ERBB4: variants seen among roughly 807,000 people sequenced by gnomAD.
ERBB4 encodes receptor tyrosine-protein kinase erbB-4.
A neutral mutation model predicts 158.0 loss-of-function variants in ERBB4; 42 were observed. That is an observed-to-expected ratio of 0.27 (90% CI 0.21 to 0.34). The LOEUF (loss-of-function observed/expected upper bound fraction) is 0.34, where lower values mean the gene tolerates loss of function less well. Ranked by LOEUF, ERBB4 falls within the 10% of genes least tolerant of loss-of-function variation. The probability of loss-of-function intolerance (pLI) is 1.00; values close to 1 mark genes in which losing one functional copy is unlikely to be tolerated. For synonymous variants in ERBB4, 583 were observed against 558.7 expected (o/e 1.04, Z -0.61); for missense variants, 1,333 against 1,624.1 (o/e 0.82, Z 3.08).
intron 3 of ERBB4, among the ~76,000 whole-genome samples, chr2:211,793,464 G>A (rs1025275149): frequency 6.6e-6 from 1 of 151,800 alleles, no homozygotes; most frequent in Non-Finnish European, 1.5e-5. Context: ...GCATATGTCA[G>A]ACTTATACTA....
intron 25 of ERBB4, among the ~76,000 whole-genome samples, chr2:211,403,707 C>T (rs1400003911): frequency 6.6e-6 from 1 of 152,086 alleles, no homozygotes; most frequent in Non-Finnish European, 1.5e-5. Flanking sequence ...TTTCTCTGAC[C>T]ACAATCTCTT....
chr2:211,477,133 A>C (rs1574565979), intron 20 of ERBB4, among the ~76,000 whole-genome samples: 2 of 152,230 alleles, frequency 1.3e-5, no homozygotes, highest in Non-Finnish European at 2.9e-5. Flanking sequence ...CAGTTAAAAC[A>C]TTAATAGAAC....
intron 1 of ERBB4, among the ~76,000 whole-genome samples, chr2:212,445,332 T>C (rs1230076835): frequency 6.6e-6 from 1 of 152,130 alleles, no homozygotes; most frequent in Non-Finnish European, 1.5e-5. Flanking sequence ...ACACTCACCA[T>C]TAACCCCAGT....
chr2:212,066,671 T>C (rs578012902), intron 2 of ERBB4, among the ~76,000 whole-genome samples: 3 of 152,136 alleles, frequency 2.0e-5, no homozygotes, highest in East Asian at 1.9e-4. Flanking sequence ...TCCTTGTCAA[T>C]TGTGTAACTC....
intron 2 of ERBB4, among the ~76,000 whole-genome samples, chr2:211,965,593 T>C (rs2081290673): frequency 2.0e-5 from 3 of 152,104 alleles, no homozygotes; most frequent in African/African-American, 7.2e-5. Context: ...TTTTATGTGC[T>C]AAGGTAATTC....
chr2:212,391,782 T>G (rs926772495), intron 1 of ERBB4, among the ~76,000 whole-genome samples: 1 of 145,172 alleles, frequency 6.9e-6, no homozygotes, highest in Admixed American at 7.1e-5. Context: ...TATGTCAATA[T>G]ATTATATTGA....
intron 1 of ERBB4, among the ~76,000 whole-genome samples, chr2:212,191,889 G>A (rs200793728): frequency 9.4e-6 from 1 of 106,214 alleles, no homozygotes; most frequent in African/African-American, 3.5e-5. Flanking sequence ...TATGTTACAT[G>A]TTATATATTA....
chr2:211,596,590 C>A (rs1381896154), intron 19 of ERBB4, among the ~76,000 whole-genome samples: 2 of 152,116 alleles, frequency 1.3e-5, no homozygotes, highest in Non-Finnish European at 2.9e-5. Context: ...TCTTTTCCAG[C>A]ACCCTGAGAC....
At chr2:212,143,799 C>T (rs2080566747) in intron 1 of ERBB4, among the ~76,000 whole-genome samples, 1 of 151,916 alleles carries the variant, frequency 6.6e-6, no homozygotes, top group Admixed American at 6.6e-5. Context: ...GGGCGGATCA[C>T]AAGGTCAGGA....
At position 211,860,946 on chromosome 2, in the gene ERBB4, T is replaced by A. The variant is rs13016484; in HGVS notation, c.422-72787A>T. 5.8e-3 allele frequency among the ~76,000 whole-genome samples: 442 copies of A among 76,412 alleles called. 1 individual carries two copies. The highest frequency in any genetic ancestry group is 0.016 in the South Asian group (32 of 2,038). The allele number at this position is 76,412 out of a possible 152,430, so 50.1% of individuals were successfully genotyped here. ...GACAATATATTACATTATATATATT[T>A]TATATATATATAAATATATAAATAT... On this transcript the variant is annotated intron_variant, in intron 3 of 27. Coordinates refer to ENST00000342788, the MANE Select transcript of ERBB4 (RefSeq NM_005235.3).
chr2:212,248,820 A>G (rs1574516295), intron 1 of ERBB4, among the ~76,000 whole-genome samples: 1 of 152,216 alleles, frequency 6.6e-6, no homozygotes, highest in East Asian at 1.9e-4. Context: ...TTATTGATAC[A>G]TGATTCTTAG....
In ERBB4 at chr2:211,783,818, T is replaced by C. The variant is rs764078007; in HGVS notation, c.556+4207A>G. Reference sequence around the variant, plus strand: ...CATCAATGTTCACCAGGGATATTGGTCTAAAATTCTCTTTTTTTTGTTGTT... The same window carrying C: ...CATCAATGTTCACCAGGGATATTGGCCTAAAATTCTCTTTTTTTTGTTGTT... On this transcript the variant is annotated intron_variant, in intron 4 of 27. Transcript: ENST00000342788. Among the ~76,000 whole-genome samples, 216 of 152,312 alleles carry C rather than the reference T, an allele frequency of 1.4e-3. 1 individual carries two copies. The highest frequency in any genetic ancestry group is 2.3e-3 in the Non-Finnish European group (156 of 68,026).
intron 3 of ERBB4, among the ~76,000 whole-genome samples, chr2:211,913,641 GTGTGTGTGTGTGTGTGTA>G (rs1236976360): frequency 1.4e-4 from 19 of 138,580 alleles, no homozygotes; most frequent in African/African-American, 4.6e-4. Flanking sequence ...GTGTGTGTGT[GTGTGTGTGTGTGTGTGTA>G]TGTGTGTATG....
At chr2:212,261,809 T>A (rs2084956248) in intron 1 of ERBB4, among the ~76,000 whole-genome samples, 1 of 152,158 alleles carries the variant, frequency 6.6e-6, no homozygotes, top group Non-Finnish European at 1.5e-5. Context: ...TGTGGCATTT[T>A]TGTTTCATTT....
chr2:211,925,141 A>G (rs1476670688), intron 3 of ERBB4, among the ~76,000 whole-genome samples: 1 of 152,208 alleles, frequency 6.6e-6, no homozygotes, highest in East Asian at 1.9e-4. Context: ...TGTTCTAGAC[A>G]CAGGAAGAAA....
intron 1 of ERBB4, among the ~76,000 whole-genome samples, chr2:212,391,674 A>ATATATATTATATATATTATAT (rs1231698831): frequency 3.9e-5 from 5 of 128,868 alleles, no homozygotes; most frequent in African/African-American, 8.9e-5. Context: ...ATTATATTTT[A>ATATATATTATATATATTATAT]TATATATTAT....
chr2:212,067,510 A>C (rs894507130), intron 2 of ERBB4, among the ~76,000 whole-genome samples: 2 of 152,030 alleles, frequency 1.3e-5, no homozygotes, highest in African/African-American at 4.8e-5. Flanking sequence ...TAACAAAAAC[A>C]AAAATTACTG....
chr2:211,966,015 CA>C (rs2081300545), intron 2 of ERBB4, among the ~76,000 whole-genome samples: 5 of 152,092 alleles, frequency 3.3e-5, no homozygotes, highest in Admixed American at 3.3e-4. Context: ...AATTCAAGAC[CA>C]GCGTGGGTAA....
At chr2:211,410,163 G>A (rs1209322294) in intron 25 of ERBB4, among the ~76,000 whole-genome samples, 1 of 152,222 alleles carries the variant, frequency 6.6e-6, no homozygotes, top group African/African-American at 2.4e-5. Context: ...ATTGTAAGGA[G>A]AGCCTGGTGT....
Sources: allele counts gnomAD v4.1 joint callset (sites outside exome capture counted in the v4.1 genomes callset), GRCh38; gene constraint gnomAD v4.1.1; transcripts MANE v1.5; gene names NCBI Gene and HGNC (gene_info 2026-07-23, HGNC 2026-07-21).